CTNNA2: variants seen among roughly 807,000 people sequenced by gnomAD.
CTNNA2 encodes catenin alpha 2, also known as catenin alpha-2.
A neutral mutation model predicts 101.0 loss-of-function variants in CTNNA2; 42 were observed. That is an observed-to-expected ratio of 0.42 (90% confidence interval 0.32 to 0.54). The LOEUF (loss-of-function observed/expected upper bound fraction) is 0.54, where lower values mean the gene tolerates loss of function less well. Among genes scored for constraint, CTNNA2 ranks in the 20% least tolerant of loss-of-function variants. CTNNA2 has a pLI of 0.14. For missense variants in CTNNA2, 871 were observed against 1,223.1 expected, an observed-to-expected ratio of 0.71 and a Z score of 4.29; for synonymous variants, 450 against 456.4, an observed-to-expected ratio of 0.99 and a Z score of 0.18.
At chr2:80,347,749 G>A (rs1428399463) in intron 7 of CTNNA2, among the ~76,000 whole-genome samples, 1 of 152,020 alleles carries the variant, frequency 6.6e-6, no homozygotes. Context: ...CTTTTTGGAA[G>A]GCAGTTTCTG....
intron 2 of CTNNA2, among the ~76,000 whole-genome samples, chr2:79,287,877 C>T (rs1361397803): frequency 1.3e-5 from 2 of 152,242 alleles, no homozygotes; most frequent in Non-Finnish European, 2.9e-5. Flanking sequence ...TGATCTCAGA[C>T]TGCTGTGCTA....
intron 1 of CTNNA2, among the ~76,000 whole-genome samples, chr2:79,520,225 A>G (rs187828928): frequency 3.9e-4 from 59 of 152,338 alleles, no homozygotes; most frequent in Admixed American, 1.0e-3. Flanking sequence ...GATACAGAAT[A>G]TATCTGTTAC....
At chr2:80,027,972 CAAAAAAAAAAAAA>C (rs1177032489) in intron 7 of CTNNA2, 3 of 19,836 alleles carry the variant, frequency 1.5e-4, no homozygotes, top group Non-Finnish European at 3.0e-4. Context: ...GACCCTGTCT[CAAAAAAAAAAAAA>C]AAAAAAAAAA....
intron 4 of CTNNA2, 47 bp downstream of exon 4, chr2:79,858,226 C>T: frequency 6.8e-7 from 1 of 1,474,600 alleles, no homozygotes; most frequent in Non-Finnish European, 9.4e-7. Context: ...GAGTGGCAAT[C>T]TTGACCGTGT....
chr2:80,179,407 T>G (rs937178293), intron 7 of CTNNA2, among the ~76,000 whole-genome samples: 1 of 152,142 alleles, frequency 6.6e-6, no homozygotes, highest in African/African-American at 2.4e-5. Context: ...GGAGTCTCGC[T>G]CTGTCGCCCA....
chr2:80,597,331 A>AT (rs2149757199), intron 15 of CTNNA2, among the ~76,000 whole-genome samples: 1 of 152,300 alleles, frequency 6.6e-6, no homozygotes, highest in East Asian at 1.9e-4. Flanking sequence ...AAAGACTTAA[A>AT]TGTAAAACCC....
At chr2:79,593,582 C>A (rs62140068) in intron 1 of CTNNA2, among the ~76,000 whole-genome samples, 14,503 of 152,118 alleles carry the variant, frequency 0.095, 949 homozygotes, top group African/African-American at 0.18. Context: ...GTCAATTCCT[C>A]CCACCATGTC....
intron 3 of CTNNA2, among the ~76,000 whole-genome samples, chr2:79,358,984 AAC>A (rs1301859296): frequency 6.6e-6 from 1 of 152,296 alleles, no homozygotes; most frequent in East Asian, 1.9e-4. Flanking sequence ...TAAAAAATAT[AAC>A]AGTGCCTACT....
chr2:79,233,692 A>G (rs1674523532), intron 2 of CTNNA2, among the ~76,000 whole-genome samples: 1 of 152,054 alleles, frequency 6.6e-6, no homozygotes, highest in Admixed American at 6.6e-5. Flanking sequence ...GTTTTTTTAT[A>G]AGTCAAGAAG....
intron 4 of CTNNA2, among the ~76,000 whole-genome samples, chr2:79,863,426 G>A (rs1347174171): frequency 1.3e-5 from 2 of 152,162 alleles, no homozygotes; most frequent in East Asian, 3.9e-4. Flanking sequence ...GCCTCTCCTC[G>A]AACCTATCGC....
chr2:79,276,948 A>G (rs1407420445), intron 2 of CTNNA2, among the ~76,000 whole-genome samples: 1 of 152,148 alleles, frequency 6.6e-6, no homozygotes, highest in African/African-American at 2.4e-5. Flanking sequence ...AGATGTGCAC[A>G]CACACACATG....
chr2:80,100,469 T>C (rs1230662293), intron 7 of CTNNA2, among the ~76,000 whole-genome samples: 1 of 152,242 alleles, frequency 6.6e-6, no homozygotes, highest in Non-Finnish European at 1.5e-5. Context: ...ATCTTGCCTG[T>C]CCTTCAAGTC....
At chr2:80,424,271 A>G (rs570528933) in intron 9 of CTNNA2, among the ~76,000 whole-genome samples, 1 of 152,314 alleles carries the variant, frequency 6.6e-6, no homozygotes, top group South Asian at 2.1e-4. Context: ...CATTCAAAAT[A>G]GACTAGCACT....
At chr2:79,572,193 G>T (rs1159877001) in intron 1 of CTNNA2, among the ~76,000 whole-genome samples, 1 of 152,130 alleles carries the variant, frequency 6.6e-6, no homozygotes, top group Non-Finnish European at 1.5e-5. Context: ...AACCTTGAGC[G>T]ATTTCTGTAC....
At chr2:80,020,896 G>T (rs115060400) in intron 7 of CTNNA2, among the ~76,000 whole-genome samples, 45 of 151,662 alleles carry the variant, frequency 3.0e-4, no homozygotes, top group African/African-American at 1.0e-3. Flanking sequence ...GGTATGCTGT[G>T]GACCAGCCAA....
In CTNNA2 at chr2:80,627,189, G is replaced by A. The variant is rs191199759; in HGVS notation, c.2574+7961G>A. Among the ~76,000 whole-genome samples the A allele has an allele frequency of 3.0e-3, 452 of 148,998 alleles. 5 individuals carry two copies. The highest frequency in any genetic ancestry group is 0.01 in the African/African-American group (411 of 40,730). ...GCAATAAACATACGTGTGTGTGTGT[G>A]TCTTTATAGTAAAATGATTTATAAT... On this transcript the variant is annotated intron_variant, in intron 18 of 18. Transcript: ENST00000402739.
chr2:80,383,195 G>A (rs953063726), intron 7 of CTNNA2, among the ~76,000 whole-genome samples: 12 of 152,100 alleles, frequency 7.9e-5, no homozygotes, highest in Non-Finnish European at 1.5e-4. Context: ...ATAAATCAAG[G>A]AACAAGAATT....
At chr2:80,213,335 T>C (rs2149039735) in intron 7 of CTNNA2, among the ~76,000 whole-genome samples, 1 of 152,294 alleles carries the variant, frequency 6.6e-6, no homozygotes, top group South Asian at 2.1e-4. Context: ...TTTCCTGCTT[T>C]CTCTTGTGGG....
At chr2:79,712,945 G>T (rs7571618) in intron 2 of CTNNA2, among the ~76,000 whole-genome samples, 1 of 151,980 alleles carries the variant, frequency 6.6e-6, no homozygotes, top group African/African-American at 2.4e-5. Context: ...TCTAGAAACT[G>T]GGATTGGTAT....
Sources: allele counts gnomAD v4.1 joint callset (sites outside exome capture counted in the v4.1 genomes callset), GRCh38; gene constraint gnomAD v4.1.1; transcripts MANE v1.5; gene names NCBI Gene and HGNC (gene_info 2026-07-23, HGNC 2026-07-21).